The following DGKZ variants were observed in gnomAD, a reference collection of about 807,000 sequenced individuals.
DGKZ encodes DAG kinase zeta.
In DGKZ, 45 loss-of-function variants were observed where a neutral mutation model predicts 142.5. The observed-to-expected ratio is 0.32, with a 90% CI of 0.25 to 0.40. The LOEUF (loss-of-function observed/expected upper bound fraction) is 0.40. Among genes scored for constraint, DGKZ ranks in the 10% least tolerant of loss-of-function variants. DGKZ has a pLI of 1.00. For synonymous variants in DGKZ, 442 were observed against 527.0 expected, an observed-to-expected ratio of 0.84 and a Z score of 2.21; for missense variants, 755 against 1,306.5, an observed-to-expected ratio of 0.58 and a Z score of 6.51.
intron 4 of DGKZ, chr11:46,368,685 T>C (rs1943599449): frequency 5.2e-6 from 1 of 192,738 alleles, no homozygotes. Flanking sequence ...AGCCTCTGAA[T>C]TGTAAAGTGA....
chr11:46,372,613 C>G lies in DGKZ; in HGVS notation c.1011-4C>G, dbSNP rs1482382057. 1.2e-6 allele frequency: 2 copies of G among 1,613,842 alleles called. No individual in the cohort carries two copies. The highest frequency in any genetic ancestry group is 1.7e-6 in the Non-Finnish European group (2 of 1,180,006). On this transcript the variant is annotated splice_polypyrimidine_tract_variant and splice_region_variant and intron_variant, in intron 11 of 30. Transcript: ENST00000527911. The surrounding 1 kb of genome is among the most constrained non-coding windows in gnomAD (Gnocchi z 5.9). ...ACCCCACTGCCATCTTCCCATGAGC[C>G]CAGGCTGGAGATGTACCGCAAAGTG...
At chr11:46,341,772 G>A (rs975766411) in intron 1 of DGKZ, among the ~76,000 whole-genome samples, 10 of 152,146 alleles carry the variant, frequency 6.6e-5, no homozygotes, top group Non-Finnish European at 1.3e-4. Flanking sequence ...ATAGGCAAAG[G>A]GAATGGCAGG....
At chr11:46,346,557 G>A (rs187945112), upstream of DGKZ, among the ~76,000 whole-genome samples, 3 of 152,346 alleles carry the variant, frequency 2.0e-5, no homozygotes, top group African/African-American at 7.2e-5. Context: ...CTGGATGGGA[G>A]TGTGTGCATA....
At chr11:46,333,274 C>T (rs1226800290) in exon 1 of DGKZ, 45 of 1,252,042 alleles carry the variant, frequency 3.6e-5, no homozygotes, top group South Asian at 1.6e-4. Flanking sequence ...GGCGGCCGCA[C>T]GATGGCCGAG....
At chr11:46,338,589 T>C (rs1471459386) in intron 1 of DGKZ, 2 of 144,160 alleles carry the variant, frequency 1.4e-5, no homozygotes, top group Admixed American at 7.1e-5. Flanking sequence ...ATCCAGTAGA[T>C]GGGACAGGAC....
chr11:46,362,630 G>A (rs1221173754), intron 1 of DGKZ, among the ~76,000 whole-genome samples: 2 of 152,200 alleles, frequency 1.3e-5, no homozygotes, highest in Non-Finnish European at 2.9e-5. Flanking sequence ...TTTTGCAGAT[G>A]AGAAAATTGA....
In DGKZ at chr11:46,372,803, A is replaced by G. The variant is rs1214757645; in HGVS notation, c.1104A>G (p.Leu368=). Residue 368 remains leucine (L), a synonymous_variant, in exon 13 of 31, where the codon CTA becomes CTG. Coordinates refer to ENST00000527911, the Ensembl canonical transcript of DGKZ. The surrounding 1 kb of genome is among the most constrained non-coding windows in gnomAD (Gnocchi z 5.9). ...GGATCCTCTCCACCCTGGACCAGCT[A>G]CGCCTGAAGCCGCCACCCCCTGTTG... 6.2e-6 allele frequency: 10 copies of G among 1,604,630 alleles called. No homozygotes were observed. The South Asian group carries it at 1.0e-4, about 16-fold the overall frequency.
chr11:46,368,109 C>G (rs749980456), intron 4 of DGKZ, 30 bp downstream of exon 4: 1 of 1,611,894 alleles, frequency 6.2e-7, no homozygotes. Context: ...TTGCCCGCCC[C>G]TGCCCTTTGG....
At chr11:46,352,104 G>T (rs1158563238) in intron 1 of DGKZ, among the ~76,000 whole-genome samples, 1 of 152,214 alleles carries the variant, frequency 6.6e-6, no homozygotes, top group East Asian at 1.9e-4. Context: ...CTCCCTGGAG[G>T]CCTCTCCAGA....
intron 1 of DGKZ, chr11:46,365,176 A>T: frequency 1.0e-6 from 1 of 985,414 alleles, no homozygotes; most frequent in African/African-American, 1.7e-5. Context: ...AGCTAGGATG[A>T]TGCCCACAGC....
chr11:46,366,255 C>T (rs753586575), intron 1 of DGKZ: 1 of 1,574,738 alleles, frequency 6.4e-7, no homozygotes, highest in Non-Finnish European at 8.5e-7. Context: ...CAACCGCCTG[C>T]CATGGAGACT....
rs1170428412 is a variant in DGKZ at position 46,367,920 on chromosome 11, C to A, written c.367-82C>A. On this transcript the variant is annotated intron_variant, in intron 3 of 30. Coordinates refer to ENST00000527911, the Ensembl canonical transcript of DGKZ. This position sits in a 1 kb window ranked among gnomAD's most constrained non-coding sequence, Gnocchi z 4.1. ...CAGGACTGGGGCTTCCCAGTGCACA[C>A]AAAGGGCAGCTGTGCTGGGGCAGGC... The A allele has an allele frequency of 6.4e-7, 1 of 1,558,174 alleles. No homozygotes were observed.
intron 1 of DGKZ, chr11:46,333,590 T>A: frequency 8.7e-7 from 1 of 1,151,354 alleles, no homozygotes; most frequent in African/African-American, 1.6e-5. Context: ...TGCCTGGCGC[T>A]GGGAGTTTAG....
intron 1 of DGKZ, chr11:46,364,539 G>T (rs942046484): frequency 6.1e-6 from 6 of 985,282 alleles, no homozygotes; most frequent in Non-Finnish European, 7.2e-6. Flanking sequence ...ATCTGAGGCA[G>T]CTGGAAACTC....
intron 1 of DGKZ, among the ~76,000 whole-genome samples, chr11:46,336,541 GAC>G (rs1490396324): frequency 6.6e-6 from 1 of 152,170 alleles, no homozygotes; most frequent in African/African-American, 2.4e-5. Context: ...CAGCCTGAGT[GAC>G]ACAGTGAGAC....
intron 1 of DGKZ, among the ~76,000 whole-genome samples, chr11:46,336,163 T>C (rs1940004849): frequency 6.6e-6 from 1 of 152,106 alleles, no homozygotes; most frequent in Non-Finnish European, 1.5e-5. Flanking sequence ...GACGGGGGCT[T>C]TGGCAGGACA....
chr11:46,379,244 T>C lies in DGKZ; in HGVS notation c.2573+8T>C. 1 of 1,603,644 alleles carries C rather than the reference T, an allele frequency of 6.2e-7. No individual in the cohort carries two copies. Among genetic ancestry groups the C allele is most frequent in the Non-Finnish European group, 8.5e-7 (1 of 1,171,014 alleles). On this transcript the variant is annotated splice_region_variant and intron_variant, in intron 29 of 30. Coordinates refer to ENST00000527911, the Ensembl canonical transcript of DGKZ. ...TGATGCGGTGGAGGAAAAGTAAGTA[T>C]CTGGGCAGTGCAGAACCGTGGTCAC...
At position 46,375,245 on chromosome 11, in the gene DGKZ, C is replaced by T. The variant is rs1237875770; in HGVS notation, c.1711-187C>T. ...CCTTCACTCCCCACTCTGACTGGAGCGTCACCCTCATTGCCTCTGTCCCTT... is the reference window on the plus strand; with the variant it reads ...CCTTCACTCCCCACTCTGACTGGAGTGTCACCCTCATTGCCTCTGTCCCTT... On this transcript the variant is annotated intron_variant, in intron 19 of 30. Coordinates refer to ENST00000527911, the Ensembl canonical transcript of DGKZ. 2.6e-5 allele frequency among the ~76,000 whole-genome samples: 4 copies of T among 152,166 alleles called. No individual in the cohort carries two copies. In the East Asian group the frequency reaches 5.8e-4, roughly 22 times the overall value.
chr11:46,333,173 C>G lies in DGKZ; in HGVS notation c.-103C>G, dbSNP rs1448370702. On this transcript the variant is annotated 5_prime_UTR_variant, in exon 1 of 31. Transcript: ENST00000343674. ...AGGGACCTGCGGAACCCGGCGCTCC[C>G]CTCCCTCCCCGCCTCGCGTCCCCGG... is the stretch of plus-strand genomic sequence containing the variant. The G allele has an allele frequency of 5.7e-6, 6 of 1,060,850 alleles. No individual in the cohort carries two copies. The South Asian group carries it at 2.2e-4, about 39-fold the overall frequency. 65.7% of individuals were successfully genotyped at this position (1,060,850 alleles called of 1,614,324 possible).
Sources: allele counts gnomAD v4.1 joint callset (sites outside exome capture counted in the v4.1 genomes callset), GRCh38; gene constraint gnomAD v4.1.1; non-coding constraint Gnocchi (gnomAD v3.1); transcripts MANE v1.5; gene names NCBI Gene and HGNC (gene_info 2026-07-23, HGNC 2026-07-21).